Variants in CDC25C observed in about 807,000 individuals in gnomAD.
CDC25C encodes the protein M-phase inducer phosphatase 3.
CDC25C carries 48 observed loss-of-function variants against 52.5 expected under a neutral mutation model. That is an observed-to-expected ratio of 0.91 (90% CI 0.72 to 1.16). The LOEUF (loss-of-function observed/expected upper bound fraction) is 1.16. Ranked by LOEUF, CDC25C falls within the 50% of genes most tolerant of loss-of-function variation. The pLI is 0.00. For synonymous variants in CDC25C, 187 were observed against 206.5 expected, an observed-to-expected ratio of 0.91 and a Z score of 0.81; for missense variants, 510 against 566.1, an observed-to-expected ratio of 0.90 and a Z score of 1.01.
At chr5:138,336,178 G>A (rs1045107794), upstream of CDC25C, among the ~76,000 whole-genome samples, 3 of 150,968 alleles carry the variant, frequency 2.0e-5, no homozygotes, top group African/African-American at 7.3e-5. Context: ...TGTTGCCCAG[G>A]CTGGAGTGCA....
intron 7 of CDC25C, among the ~76,000 whole-genome samples, chr5:138,318,123 G>T (rs2126787953): frequency 6.6e-6 from 1 of 152,292 alleles, no homozygotes; most frequent in South Asian, 2.1e-4. Context: ...GAGGTCAGGA[G>T]TTCGAGACCA....
intron 7 of CDC25C, among the ~76,000 whole-genome samples, chr5:138,312,285 G>A (rs1181419043): frequency 6.6e-6 from 1 of 152,164 alleles, no homozygotes; most frequent in Non-Finnish European, 1.5e-5. Flanking sequence ...AGGGAGGACT[G>A]CTGGAGCCAA....
At chr5:138,319,655 G>C (rs1759191501) in intron 6 of CDC25C, among the ~76,000 whole-genome samples, 1 of 152,166 alleles carries the variant, frequency 6.6e-6, no homozygotes, top group Non-Finnish European at 1.5e-5. Context: ...TATTTGATGA[G>C]AGATTAATAT....
At chr5:138,334,266 G>A (rs866570097), upstream of CDC25C, among the ~76,000 whole-genome samples, 4 of 151,748 alleles carry the variant, frequency 2.6e-5, no homozygotes, top group South Asian at 2.1e-4. Context: ...GCAGTGGTGC[G>A]CCTGTAGTCC....
chr5:138,314,729 C>T (rs1758739365), intron 7 of CDC25C, among the ~76,000 whole-genome samples: 2 of 150,390 alleles, frequency 1.3e-5, no homozygotes, highest in African/African-American at 2.5e-5. Context: ...CTGCCTCAGC[C>T]TCCTGGGTAG....
At chr5:138,309,305 C>T (rs1429286425) in intron 7 of CDC25C, among the ~76,000 whole-genome samples, 1 of 151,844 alleles carries the variant, frequency 6.6e-6, no homozygotes, top group Non-Finnish European at 1.5e-5. Flanking sequence ...CCTGTAATCC[C>T]AGCACTTTGG....
At chr5:138,306,460 T>G (rs1758005453) in intron 7 of CDC25C, among the ~76,000 whole-genome samples, 2 of 151,948 alleles carry the variant, frequency 1.3e-5, no homozygotes, top group South Asian at 4.2e-4. Context: ...TATCTATTTA[T>G]TTCCGTTTAT....
At chr5:138,321,775 A>C (rs1163591515) in intron 6 of CDC25C, among the ~76,000 whole-genome samples, 5 of 148,918 alleles carry the variant, frequency 3.4e-5, no homozygotes, top group Admixed American at 1.4e-4. Context: ...AAAAAAAAAA[A>C]AAAAAAACCA....
At chr5:138,298,979 G>A (rs1757422002) in intron 7 of CDC25C, among the ~76,000 whole-genome samples, 1 of 150,834 alleles carries the variant, frequency 6.6e-6, no homozygotes, top group Non-Finnish European at 1.5e-5. Flanking sequence ...GATCACCTGG[G>A]GTTAGGAGTT....
At chr5:138,322,521 AC>A (rs886633496) in intron 6 of CDC25C, among the ~76,000 whole-genome samples, 2 of 102,298 alleles carry the variant, frequency 2.0e-5, no homozygotes, top group Non-Finnish European at 3.7e-5. Context: ...TGTCGCCCAG[AC>A]TGGAGTACAG....
intron 7 of CDC25C, among the ~76,000 whole-genome samples, chr5:138,301,885 G>A (rs1757655669): frequency 1.3e-5 from 2 of 150,772 alleles, no homozygotes; most frequent in East Asian, 2.0e-4. Flanking sequence ...TGTATTTTTA[G>A]TACAGATGGG....
chr5:138,290,652 C>T lies in CDC25C; in HGVS notation c.851G>A (p.Gly284Asp). 1 of 1,599,754 alleles carries T rather than the reference C, an allele frequency of 6.3e-7. No homozygotes were observed. The highest frequency in any genetic ancestry group is 8.6e-7 in the Non-Finnish European group (1 of 1,166,998). The change falls in exon 9 of 14, where the codon GGT becomes GAT. Residue 284 changes from glycine (G) to aspartate (D), a missense_variant. Transcript: ENST00000323760. ...AGCCAAACTCACCTTGGAAAAATCA[C>T]CAATCAGGTGCCCCTGGTTAGAATC... ...EEDSNQGHLI[G>D]DFSKVCALPT... is the part of the protein sequence containing the mutation.
At position 138,290,721 on chromosome 5, in the gene CDC25C, G is replaced by C. The variant is rs764991070; in HGVS notation, c.782C>G (p.Thr261Arg). The change falls in exon 9 of 14, where the codon ACA (threonine) becomes AGA (arginine). Residue 261 changes from threonine to arginine, a missense_variant. Coordinates refer to ENST00000323760, the MANE Select transcript of CDC25C (RefSeq NM_001790.5). ...KLRKGLCLKK[T>R]VSLCDITITQ... ...GATAGTAATGTCACACAGAGAGACT[G>C]TCTTCTTTAAACATAAGCCCTGAAG... The C allele has an allele frequency of 5.6e-6, 9 of 1,606,276 alleles. No homozygotes were observed. The highest frequency in any genetic ancestry group is 5.4e-5 in the African/African-American group (4 of 74,750).
rs144706977 is a variant in CDC25C at position 138,286,538 on chromosome 5, G to C, written c.1119C>G (p.Ile373Met). 3.1e-5 allele frequency: 50 copies of C among 1,613,878 alleles called. No individual in the cohort carries two copies. The African/African-American group carries it at 6.1e-4, about 20-fold the overall frequency. ...VPLDTQKRII[I>M]VFHCEFSSER... ...CTGAGGAGAATTCACAGTGGAACAC[G>C]ATGATTATTCTCTTCTGGGTGTCCA... The change falls in exon 12 of 14, where the codon ATC becomes ATG. Residue 373 changes from isoleucine to methionine, a missense_variant. Coordinates refer to ENST00000323760, the MANE Select transcript of CDC25C (RefSeq NM_001790.5).
chr5:138,318,572 G>A (rs1050381885), intron 7 of CDC25C, among the ~76,000 whole-genome samples: 2 of 151,764 alleles, frequency 1.3e-5, no homozygotes, highest in African/African-American at 2.4e-5. Flanking sequence ...AAAATTACCC[G>A]GGTGTGGTGG....
At position 138,331,183 on chromosome 5, in the gene CDC25C, T is replaced by C. The variant is rs978685059; in HGVS notation, c.-3A>G. On this transcript the variant is annotated 5_prime_UTR_variant, in exon 2 of 14. Coordinates refer to ENST00000323760, the MANE Select transcript of CDC25C (RefSeq NM_001790.5). ...GATGAGAAGAGTTCCGTAGACATGGTCTTCGAATTCTCACCAGGAGAAAAA... is the reference window on the plus strand; with the variant it reads ...GATGAGAAGAGTTCCGTAGACATGGCCTTCGAATTCTCACCAGGAGAAAAA... The C allele has an allele frequency of 1.2e-6, 2 of 1,613,946 alleles. No homozygotes were observed. Among genetic ancestry groups the C allele is most frequent in the African/African-American group, 1.3e-5 (1 of 75,024 alleles).
intron 6 of CDC25C, among the ~76,000 whole-genome samples, chr5:138,323,786 C>T (rs970211784): frequency 7.9e-5 from 12 of 151,768 alleles, no homozygotes; most frequent in African/African-American, 2.4e-4. Flanking sequence ...GGTGAAACCC[C>T]GTCTCTACTA....
At chr5:138,330,196 T>A (rs1459480738) in intron 2 of CDC25C, among the ~76,000 whole-genome samples, 1 of 145,664 alleles carries the variant, frequency 6.9e-6, no homozygotes, top group African/African-American at 2.5e-5. Flanking sequence ...AAACAGATAA[T>A]TTTTTTTTTT....
At chr5:138,288,076 C>T (rs1756398009) in intron 10 of CDC25C, among the ~76,000 whole-genome samples, 2 of 150,684 alleles carry the variant, frequency 1.3e-5, no homozygotes, top group Admixed American at 1.3e-4. Flanking sequence ...CATCATGATC[C>T]TTTTTTTTTG....
Sources: gnomAD v4.1 joint callset for allele counts (sites outside exome capture counted in the v4.1 genomes callset) on GRCh38, gnomAD v4.1.1 for gene constraint, MANE v1.5 for transcripts, NCBI Gene and HGNC (gene_info 2026-07-23, HGNC 2026-07-21) for gene names.